The following LTBP1 variants were observed in gnomAD, a reference collection of about 807,000 sequenced individuals.
LTBP1 encodes latent transforming growth factor beta binding protein 1, also known as latent-transforming growth factor beta-binding protein 1.
A neutral mutation model predicts 207.6 loss-of-function variants in LTBP1; 129 were observed. That is an observed-to-expected ratio of 0.62 (90% CI 0.54 to 0.72). LTBP1 has a LOEUF of 0.72. Ranked by LOEUF, LTBP1 falls within the 30% of genes least tolerant of loss-of-function variation. The pLI, the probability that LTBP1 is intolerant of heterozygous loss-of-function variation, is 0.00. For synonymous variants in LTBP1, 963 were observed against 833.7 expected (o/e 1.16, Z -2.67); for missense variants, 2,281 against 2,217.2 (o/e 1.03, Z -0.58).
intron 15 of LTBP1, among the ~76,000 whole-genome samples, chr2:33,269,682 A>G (rs933821355): frequency 6.6e-6 from 1 of 152,230 alleles, no homozygotes; most frequent in African/African-American, 2.4e-5. Flanking sequence ...ATATTCTTCT[A>G]CATGAACTGA....
chr2:33,197,155 A>G (rs2088657274), intron 7 of LTBP1, among the ~76,000 whole-genome samples: 1 of 152,228 alleles, frequency 6.6e-6, no homozygotes, highest in Admixed American at 6.5e-5. Context: ...GGCAGTCTCT[A>G]TAGGCATCAC....
At chr2:32,962,761 C>G (rs1339071058) in intron 2 of LTBP1, among the ~76,000 whole-genome samples, 1 of 152,262 alleles carries the variant, frequency 6.6e-6, no homozygotes, top group Non-Finnish European at 1.5e-5. Context: ...CTCACAGACA[C>G]TTAGCCTCGT....
At chr2:33,050,106 A>G (rs1350414959) in intron 3 of LTBP1, among the ~76,000 whole-genome samples, 1 of 150,942 alleles carries the variant, frequency 6.6e-6, no homozygotes, top group Non-Finnish European at 1.5e-5. Flanking sequence ...GGCCTCCCAA[A>G]GTGCTGGGAT....
At chr2:33,073,285 TG>T (rs59257742) in intron 3 of LTBP1, among the ~76,000 whole-genome samples, 94,510 of 134,892 alleles carry the variant, frequency 0.7, 31,672 homozygotes, top group East Asian at 0.99. Context: ...GTGTTTTTTT[TG>T]TTTTTGTTTT....
chr2:32,965,049 AAAAAAC>A (rs1165917688), intron 2 of LTBP1, among the ~76,000 whole-genome samples: 1 of 152,016 alleles, frequency 6.6e-6, no homozygotes, highest in African/African-American at 2.4e-5. Context: ...TAAAAAAAAC[AAAAAAC>A]AAAAACAAAC....
In LTBP1 at chr2:33,110,764, T is replaced by A; in HGVS notation, c.1033+13T>A. On this transcript the variant is annotated intron_variant, in intron 4 of 33. Coordinates refer to ENST00000404816, the MANE Select transcript of LTBP1 (RefSeq NM_206943.4). The stretch of plus-strand genomic sequence containing the variant: ...GCACCTTTTCAGCGTGAGTATAGTC[T>A]TATCAACCATTTTCCCAAGTTATGG... The A allele has an allele frequency of 6.2e-7, 1 of 1,608,372 alleles. No individual in the cohort carries two copies. Among genetic ancestry groups the A allele is most frequent in the Non-Finnish European group, 8.5e-7 (1 of 1,175,754 alleles).
intron 5 of LTBP1, among the ~76,000 whole-genome samples, chr2:33,185,044 T>C (rs779675087): frequency 6.6e-6 from 1 of 152,138 alleles, no homozygotes; most frequent in Non-Finnish European, 1.5e-5. Context: ...CTGAAAGATA[T>C]GTAGGAATCA....
At chr2:33,216,359 G>A (rs1401797090) in intron 7 of LTBP1, among the ~76,000 whole-genome samples, 2 of 152,134 alleles carry the variant, frequency 1.3e-5, no homozygotes, top group Non-Finnish European at 2.9e-5. Flanking sequence ...GGGTGTTCCA[G>A]CCAGACATGC....
intron 32 of LTBP1, 43 bp downstream of exon 32, chr2:33,389,349 G>A (rs1436508151): frequency 1.9e-6 from 3 of 1,610,870 alleles, no homozygotes; most frequent in Non-Finnish European, 2.5e-6. Flanking sequence ...AGTTGTGGTT[G>A]AAGATTAATC....
At chr2:33,364,108 G>A (rs1297141995) in intron 29 of LTBP1, 108 bp from the exon 30 acceptor site, 6 of 1,031,916 alleles carry the variant, frequency 5.8e-6, no homozygotes, top group Non-Finnish European at 7.0e-6. Context: ...TTAAAATTTG[G>A]CAGCACCTGG....
intron 5 of LTBP1, among the ~76,000 whole-genome samples, chr2:33,151,369 C>A (rs982872005): frequency 6.6e-6 from 1 of 152,178 alleles, no homozygotes; most frequent in Non-Finnish European, 1.5e-5. Context: ...TTCCCACCAG[C>A]AGTGTGTGAG....
chr2:33,007,547 C>T (rs896748457), intron 2 of LTBP1, among the ~76,000 whole-genome samples: 31 of 152,102 alleles, frequency 2.0e-4, no homozygotes, highest in African/African-American at 6.5e-4. Context: ...GTCATTTTGC[C>T]GCTATCACTG....
chr2:33,071,183 C>T (rs1468595505), intron 3 of LTBP1, among the ~76,000 whole-genome samples: 1 of 152,174 alleles, frequency 6.6e-6, no homozygotes, highest in Non-Finnish European at 1.5e-5. Flanking sequence ...GTTCAGGCCA[C>T]TTCCAAGCTT....
In LTBP1 at chr2:33,144,271, C is replaced by T. The variant is rs534680119; in HGVS notation, c.1201+9311C>T. Among the ~76,000 whole-genome samples, 6 of 152,226 alleles carry T rather than the reference C, an allele frequency of 3.9e-5. No individual in the cohort carries two copies. In the South Asian group the frequency reaches 8.3e-4, roughly 21 times the overall value. On this transcript the variant is annotated intron_variant, in intron 5 of 33. Transcript: ENST00000404816. ...CTTCACTTTGGTGCTCCGGTAGGAG[C>T]GCACAGAAGGTTCTGTACTTGTTTA...
At chr2:33,148,795 G>C (rs909052717) in intron 5 of LTBP1, among the ~76,000 whole-genome samples, 5 of 152,202 alleles carry the variant, frequency 3.3e-5, no homozygotes, top group African/African-American at 1.2e-4. Context: ...GGGCAGTTTT[G>C]CACCCCCACC....
intron 11 of LTBP1, among the ~76,000 whole-genome samples, chr2:33,254,100 A>G (rs950670384): frequency 9.2e-5 from 14 of 151,568 alleles, no homozygotes; most frequent in African/African-American, 3.1e-4. Context: ...TGACTGTGTT[A>G]CTTGATCTCC....
At chr2:33,176,068 A>G (rs1270480281) in intron 5 of LTBP1, among the ~76,000 whole-genome samples, 1 of 151,518 alleles carries the variant, frequency 6.6e-6, no homozygotes. Context: ...TGACGAGTTA[A>G]TGGGTGCAGC....
intron 31 of LTBP1, among the ~76,000 whole-genome samples, chr2:33,378,185 A>ATGTGTGTGTGTGTGTG (rs57388002): frequency 9.1e-5 from 12 of 131,926 alleles, no homozygotes; most frequent in Non-Finnish European, 1.5e-4. Flanking sequence ...ATATATATAT[A>ATGTGTGTGTGTGTGTG]TGTGTGTGTG....
chr2:33,263,788 C>T (rs1179060551), intron 15 of LTBP1, among the ~76,000 whole-genome samples: 1 of 151,472 alleles, frequency 6.6e-6, no homozygotes, highest in Non-Finnish European at 1.5e-5. Flanking sequence ...CCCGTCTCTA[C>T]TAAAAATACA....
Sources: allele counts gnomAD v4.1 joint callset (sites outside exome capture counted in the v4.1 genomes callset), GRCh38; gene constraint gnomAD v4.1.1; transcripts MANE v1.5; gene names NCBI Gene and HGNC (gene_info 2026-07-23, HGNC 2026-07-21).